The following SATL1 variants were observed in gnomAD, a reference collection of about 807,000 sequenced individuals.
SATL1 encodes spermidine/spermine N(1)-acetyltransferase-like protein 1.
A neutral mutation model predicts 51.8 loss-of-function variants in SATL1; 47 were observed. The ratio of observed to expected loss-of-function variants is 0.91; its 90% CI spans 0.72 to 1.16. The LOEUF is 1.16. SATL1 is among the 50% of genes most tolerant of loss of function. The pLI, the probability that SATL1 is intolerant of heterozygous loss-of-function variation, is 0.00. For synonymous variants in SATL1, 176 were observed against 182.4 expected, an observed-to-expected ratio of 0.97 and a Z score of 0.28; for missense variants, 520 against 526.4, an observed-to-expected ratio of 0.99 and a Z score of 0.12.
intron 2 of SATL1, among the ~76,000 whole-genome samples, chrX:85,215,509 T>A (rs2147758066): frequency 8.9e-6 from 1 of 112,034 alleles, no homozygotes; most frequent in East Asian, 2.8e-4. Context: ...CAACTTTAGG[T>A]CATCCCTTTA....
intron 2 of SATL1, among the ~76,000 whole-genome samples, chrX:85,186,331 T>C (rs1400068165): frequency 9.2e-6 from 1 of 108,937 alleles, no homozygotes; most frequent in Admixed American, 1.0e-4. Context: ...ATGCAAACAC[T>C]CCCTTGGCTG....
intron 1 of SATL1, among the ~76,000 whole-genome samples, chrX:85,232,815 A>G (rs908118828): frequency 4.5e-5 from 5 of 112,055 alleles, no homozygotes; most frequent in Non-Finnish European, 9.4e-5. Flanking sequence ...TTCTAACTCC[A>G]GGGCCTGGCT....
At chrX:85,178,647 C>CA (rs748854565) in intron 2 of SATL1, among the ~76,000 whole-genome samples, 2,726 of 101,350 alleles carry the variant, frequency 0.027, 78 homozygotes, top group African/African-American at 0.082. Context: ...AACAAACAAA[C>CA]AAAAAAAAAC....
At chrX:85,141,516 C>T (rs1237731782) in intron 2 of SATL1, among the ~76,000 whole-genome samples, 1 of 111,682 alleles carries the variant, frequency 9.0e-6, no homozygotes, top group Non-Finnish European at 1.9e-5. Flanking sequence ...TGAAGTCTCA[C>T]CATATGGTAG....
At position 85,186,896 on chromosome X, in the gene SATL1, T is replaced by G. The variant is rs150399630; in HGVS notation, c.-313+37309A>C. On this transcript the variant is annotated intron_variant, in intron 2 of 7. Coordinates refer to ENST00000644105, the MANE Select transcript of SATL1 (RefSeq NM_001367857.2). ...TCTGGTGTGTATCTATTCAGCCATC[T>G]TGCTCCACCTTTTTCTGTCACATGT... Among the ~76,000 whole-genome samples, 208 of 112,036 alleles carry G rather than the reference T, an allele frequency of 1.9e-3. 2 individuals are homozygous for G. The highest frequency in any genetic ancestry group is 6.1e-3 in the African/African-American group (187 of 30,826).
chrX:85,096,825 T>C (rs1430013202), intron 4 of SATL1, among the ~76,000 whole-genome samples: 2 of 104,229 alleles, frequency 1.9e-5, no homozygotes, highest in Non-Finnish European at 3.9e-5. Context: ...GAGGGATAAA[T>C]TAAGACATTC....
chrX:85,231,312 A>G, intron 1 of SATL1, among the ~76,000 whole-genome samples: 1 of 112,296 alleles, frequency 8.9e-6, no homozygotes. Context: ...TCACAGAAGG[A>G]TAAATTTTGC....
intron 1 of SATL1, among the ~76,000 whole-genome samples, chrX:85,228,959 T>C (rs1928328089): frequency 8.9e-6 from 1 of 111,794 alleles, no homozygotes; most frequent in Admixed American, 9.5e-5. Context: ...CTGAACTCAC[T>C]AAAAATTTGC....
intron 2 of SATL1, among the ~76,000 whole-genome samples, chrX:85,124,527 C>G: frequency 9.0e-6 from 1 of 111,541 alleles, no homozygotes; most frequent in Non-Finnish European, 1.9e-5. Context: ...GCTAGCTTTC[C>G]TCTCCATTTT....
In SATL1 at chrX:85,229,754, A is replaced by T. The variant is rs1375574255; in HGVS notation, c.-434-5428T>A. 9.8e-5 allele frequency among the ~76,000 whole-genome samples: 11 copies of T among 112,031 alleles called. 1 individual carries two copies. In the Admixed American group the frequency reaches 1.0e-3, roughly 11 times the overall value. On this transcript the variant is annotated intron_variant, in intron 1 of 7. Coordinates refer to ENST00000644105, the MANE Select transcript of SATL1 (RefSeq NM_001367857.2). ...CTGATTCAGTAAAGTTGTGGGATAC[A>T]GATTTAACATACAAAAACTGTTGTG...
At chrX:85,152,871 G>T (rs1439545318) in intron 2 of SATL1, among the ~76,000 whole-genome samples, 3 of 110,597 alleles carry the variant, frequency 2.7e-5, no homozygotes, top group African/African-American at 6.6e-5. Context: ...AATGCTAAAT[G>T]ATGAGTTAAT....
At chrX:85,180,533 C>A (rs1313710924) in intron 2 of SATL1, among the ~76,000 whole-genome samples, 1 of 111,654 alleles carries the variant, frequency 9.0e-6, no homozygotes, top group Non-Finnish European at 1.9e-5. Context: ...GTGTTATAAT[C>A]TTATGGAACA....
chrX:85,196,082 G>A (rs1048721988), intron 2 of SATL1, among the ~76,000 whole-genome samples: 12 of 109,533 alleles, frequency 1.1e-4, no homozygotes, highest in Non-Finnish European at 2.1e-4. Context: ...TACTGAGCCT[G>A]TGGTTGAAAT....
intron 2 of SATL1, among the ~76,000 whole-genome samples, chrX:85,191,784 G>C (rs1436177418): frequency 2.7e-5 from 3 of 111,634 alleles, no homozygotes; most frequent in Non-Finnish European, 5.6e-5. Context: ...AGTAGGCTGA[G>C]GAGGAGGAAG....
chrX:85,133,158 C>A (rs149574999), intron 2 of SATL1, among the ~76,000 whole-genome samples: 12,002 of 111,669 alleles, frequency 0.11, 562 homozygotes, highest in South Asian at 0.21. Context: ...AGAGCTCAAA[C>A]ACCATGCTGG....
At chrX:85,175,281 C>T (rs1378491059) in intron 2 of SATL1, among the ~76,000 whole-genome samples, 1 of 111,435 alleles carries the variant, frequency 9.0e-6, no homozygotes, top group Admixed American at 9.6e-5. Flanking sequence ...TTACTCTATA[C>T]ACCAGAGTAA....
intron 2 of SATL1, among the ~76,000 whole-genome samples, chrX:85,158,829 C>G (rs989542399): frequency 3.6e-5 from 4 of 111,493 alleles, no homozygotes; most frequent in African/African-American, 1.3e-4. Flanking sequence ...TAATCACAAA[C>G]TTACCATATT....
chrX:85,136,338 A>G lies in SATL1; in HGVS notation c.-312-27058T>C, dbSNP rs751234795. Among the ~76,000 whole-genome samples, 13 of 112,019 alleles carry G rather than the reference A, an allele frequency of 1.2e-4. No individual in the cohort carries two copies. The East Asian group carries it at 3.1e-3, about 27-fold the overall frequency. Reference sequence around the variant, plus strand: ...AGAGTATAGATGAAGACATAATCACAGTGAGATTACTCAACAAAGAGTACA... The same window carrying G: ...AGAGTATAGATGAAGACATAATCACGGTGAGATTACTCAACAAAGAGTACA... On this transcript the variant is annotated intron_variant, in intron 2 of 7. Coordinates refer to ENST00000644105, the MANE Select transcript of SATL1 (RefSeq NM_001367857.2).
At chrX:85,201,767 T>C (rs774631623) in intron 2 of SATL1, among the ~76,000 whole-genome samples, 2 of 112,019 alleles carry the variant, frequency 1.8e-5, no homozygotes, top group African/African-American at 6.5e-5. Context: ...AGCCTCCAGC[T>C]CCATCCATGT....
Sources: allele counts gnomAD v4.1 joint callset (sites outside exome capture counted in the v4.1 genomes callset), GRCh38; gene constraint gnomAD v4.1.1; transcripts MANE v1.5; gene names NCBI Gene and HGNC (gene_info 2026-07-23, HGNC 2026-07-21).